The following TNC variants were observed in gnomAD, a reference collection of about 807,000 sequenced individuals.
TNC encodes the protein tenascin.
A neutral mutation model predicts 202.4 loss-of-function variants in TNC; 109 were observed. That is an observed-to-expected ratio of 0.54 (90% CI 0.46 to 0.63). The LOEUF (loss-of-function observed/expected upper bound fraction) is 0.63. Ranked by LOEUF, TNC falls within the 30% of genes least tolerant of loss-of-function variation. The probability of loss-of-function intolerance (pLI) is 0.00; values close to 1 mark genes in which losing one functional copy is unlikely to be tolerated. For synonymous variants in TNC, 1,007 were observed against 1,089.7 expected (o/e 0.92, Z 1.50); for missense variants, 2,756 against 2,833.3 (o/e 0.97, Z 0.62).
chr9:115,041,839 C>T lies in TNC; in HGVS notation c.5248+380G>A, dbSNP rs552896948. 3.3e-5 allele frequency among the ~76,000 whole-genome samples: 5 copies of T among 152,330 alleles called. No homozygotes were observed. The East Asian group carries it at 9.6e-4, about 29-fold the overall frequency. On this transcript the variant is annotated intron_variant, in intron 18 of 27. Coordinates refer to ENST00000350763, the MANE Select transcript of TNC (RefSeq NM_002160.4). ...GCTTGCCATCATTTGCTGAGACAGA[C>T]AGATTTGGTACCCAAAGGTAAAACT...
intron 1 of TNC, among the ~76,000 whole-genome samples, chr9:115,096,039 C>T (rs934957781): frequency 2.6e-5 from 4 of 152,016 alleles, no homozygotes; most frequent in Non-Finnish European, 4.4e-5. Flanking sequence ...ATGTATCTAA[C>T]GCAAAACAAG....
At chr9:115,074,194 A>G (rs1215599249) in intron 9 of TNC, among the ~76,000 whole-genome samples, 1 of 152,244 alleles carries the variant, frequency 6.6e-6, no homozygotes, top group Non-Finnish European at 1.5e-5. Flanking sequence ...CGAGAGAATT[A>G]TGCTGAAGGA....
chr9:115,081,762 T>C lies in TNC; in HGVS notation c.2404+10A>G. ...CTTATCATTCTATAAGTATTAAAGG[T>C]GATACTCACGTGTGGTGGTCACCCT... On this transcript the variant is annotated intron_variant, in intron 6 of 27. Coordinates refer to ENST00000350763, the MANE Select transcript of TNC (RefSeq NM_002160.4). 1 of 1,613,794 alleles carries C rather than the reference T, an allele frequency of 6.2e-7. No homozygotes were observed. The highest frequency in any genetic ancestry group is 8.5e-7 in the Non-Finnish European group (1 of 1,179,850).
At chr9:115,072,617 G>A (rs142165148) in intron 10 of TNC, among the ~76,000 whole-genome samples, 6 of 152,122 alleles carry the variant, frequency 3.9e-5, no homozygotes, top group African/African-American at 7.2e-5. Context: ...TCTTTTTCTC[G>A]AGTTCTGTCT....
At position 115,064,071 on chromosome 9, in the gene TNC, G is replaced by T; in HGVS notation, c.3488-3C>A. Reference sequence around the variant, plus strand: ...CTCTCCCAAATTGGGAGTTTCCCCTGGAGAAGGACAAAGAACTAGTTTAGT... The same window carrying T: ...CTCTCCCAAATTGGGAGTTTCCCCTTGAGAAGGACAAAGAACTAGTTTAGT... On this transcript the variant is annotated splice_region_variant and splice_polypyrimidine_tract_variant and intron_variant, in intron 11 of 27. Transcript: ENST00000350763. The T allele has an allele frequency of 6.2e-7, 1 of 1,600,680 alleles. No individual in the cohort carries two copies. Among genetic ancestry groups the T allele is most frequent in the Non-Finnish European group, 8.5e-7 (1 of 1,171,810 alleles).
At chr9:115,117,793 CAAAATT>C (rs995193166) in intron 1 of TNC, among the ~76,000 whole-genome samples, 183 bp downstream of exon 1, 34 of 152,060 alleles carry the variant, frequency 2.2e-4, no homozygotes, top group African/African-American at 8.0e-4. Flanking sequence ...TTAAAACAAA[CAAAATT>C]ACAAGACCAG....
intron 1 of TNC, among the ~76,000 whole-genome samples, chr9:115,114,618 T>C (rs1223699834): frequency 2.0e-5 from 3 of 152,208 alleles, no homozygotes; most frequent in Admixed American, 1.3e-4. Context: ...TAGGCACCAA[T>C]GCCAGCTGGG....
At position 115,022,568 on chromosome 9, in the gene TNC, G is replaced by T. The variant is rs573560739; in HGVS notation, c.6496-1301C>A. Among the ~76,000 whole-genome samples the T allele has an allele frequency of 4.3e-4, 65 of 151,946 alleles. 1 individual carries two copies. Among genetic ancestry groups the T allele is most frequent in the Non-Finnish European group, 6.3e-4 (43 of 67,922 alleles). ...AGGCTTGCTTTCTAACATGTAGCTTGTTGGTTTTTTTTTTCTTTTCCCAGA... is the reference window on the plus strand; with the variant it reads ...AGGCTTGCTTTCTAACATGTAGCTTTTTGGTTTTTTTTTTCTTTTCCCAGA... On this transcript the variant is annotated intron_variant, in intron 27 of 27. Transcript: ENST00000350763.
At chr9:115,050,301 A>T (rs2132238560) in intron 15 of TNC, among the ~76,000 whole-genome samples, 1 of 152,176 alleles carries the variant, frequency 6.6e-6, no homozygotes, top group Admixed American at 6.5e-5. Flanking sequence ...CACATCATGG[A>T]TTAGCTGAGA....
At chr9:115,109,223 C>G (rs1302205782) in intron 1 of TNC, among the ~76,000 whole-genome samples, 1 of 152,170 alleles carries the variant, frequency 6.6e-6, no homozygotes, top group Admixed American at 6.5e-5. Flanking sequence ...ATTTGATCAA[C>G]AGGTAACAAA....
At chr9:115,072,656 G>A (rs1027518236) in intron 10 of TNC, among the ~76,000 whole-genome samples, 1 of 152,102 alleles carries the variant, frequency 6.6e-6, no homozygotes, top group Non-Finnish European at 1.5e-5. Flanking sequence ...TCTTCCGCAA[G>A]CACTATGAGC....
In TNC at chr9:115,064,627, A is replaced by C; in HGVS notation, c.3487+20T>G. The C allele has an allele frequency of 1.3e-6, 2 of 1,579,978 alleles. No individual in the cohort carries two copies. Among genetic ancestry groups the C allele is most frequent in the Non-Finnish European group, 8.6e-7 (1 of 1,160,746 alleles). On this transcript the variant is annotated intron_variant, in intron 11 of 27. Coordinates refer to ENST00000350763, the MANE Select transcript of TNC (RefSeq NM_002160.4). ...CCTGCTGGGAAAAACAGAAGCTATA[A>C]ATAGAAAGGAAAGAGATACCTGTGG...
chr9:115,116,761 C>T (rs1588263416), intron 1 of TNC, among the ~76,000 whole-genome samples: 2 of 152,132 alleles, frequency 1.3e-5, no homozygotes, highest in African/African-American at 4.8e-5. Context: ...AACTTCCAGC[C>T]CCGGGCTACT....
intron 15 of TNC, chr9:115,052,918 A>G (rs1831814231): frequency 1.4e-6 from 1 of 702,642 alleles, no homozygotes; most frequent in African/African-American, 1.7e-5. Context: ...CATTGATAAC[A>G]ATCTTTGCAA....
intron 10 of TNC, among the ~76,000 whole-genome samples, chr9:115,068,228 C>T (rs1046708095): frequency 2.0e-5 from 3 of 152,288 alleles, no homozygotes; most frequent in South Asian, 2.1e-4. Flanking sequence ...TATCAAAAGG[C>T]TGTTGTCTTC....
chr9:115,083,684 C>T (rs1003238951), intron 4 of TNC, among the ~76,000 whole-genome samples: 3 of 148,136 alleles, frequency 2.0e-5, no homozygotes, highest in African/African-American at 7.5e-5. Context: ...CAGCTCACTA[C>T]AAACTCTGCC....
chr9:115,035,178 G>A, intron 22 of TNC, 26 bp downstream of exon 22: 4 of 1,580,952 alleles, frequency 2.5e-6, no homozygotes, highest in Non-Finnish European at 3.4e-6. Context: ...AACTAGCATT[G>A]AGGAGTTGTT....
intron 17 of TNC, among the ~76,000 whole-genome samples, chr9:115,045,988 T>A (rs1831161240): frequency 1.3e-5 from 2 of 152,084 alleles, no homozygotes; most frequent in Admixed American, 1.3e-4. Flanking sequence ...CAAGGAAGTG[T>A]ATCTCTGGAT....
Position 115,078,093 on chromosome 9 carries a change from C to A in TNC, c.2524G>T (p.Val842Leu). The change falls in exon 7 of 28, where the codon GTG becomes TTG. Residue 842 changes from valine (V) to leucine (L), a missense_variant. Val to Leu is a conservative substitution (Grantham distance 32). Coordinates refer to ENST00000350763, the MANE Select transcript of TNC (RefSeq NM_002160.4). ...GIELTYGIKD[V>L]PGDRTTIDLT... ...TCGATGGTGGTACGGTCTCCTGGCA[C>A]GTCTTTGATGCCGTAGGTCAGCTCA... 6.2e-7 allele frequency: 1 copy of A among 1,614,120 alleles called. No homozygotes were observed.
Sources: gnomAD v4.1 joint callset for allele counts (sites outside exome capture counted in the v4.1 genomes callset) on GRCh38, gnomAD v4.1.1 for gene constraint, MANE v1.5 for transcripts, NCBI Gene and HGNC (gene_info 2026-07-23, HGNC 2026-07-21) for gene names.